Variants in FGD6 observed in about 807,000 individuals in gnomAD.
FGD6 encodes FYVE, RhoGEF and PH domain containing 6.
A neutral mutation model predicts 149.4 loss-of-function variants in FGD6; 90 were observed. The ratio of observed to expected loss-of-function variants is 0.60; its 90% CI spans 0.51 to 0.72. The LOEUF is 0.72. Among genes scored for constraint, FGD6 ranks in the 30% least tolerant of loss-of-function variants. The pLI is 0.00. For synonymous variants in FGD6, 527 were observed against 584.0 expected (o/e 0.90, Z 1.41); for missense variants, 1,437 against 1,684.8 (o/e 0.85, Z 2.57).
At chr12:95,180,645 G>C (rs1449263846) in intron 2 of FGD6, among the ~76,000 whole-genome samples, 1 of 151,998 alleles carries the variant, frequency 6.6e-6, no homozygotes, top group Admixed American at 6.6e-5. Flanking sequence ...TGATCTGCCT[G>C]CCTCAGCCTC....
intron 1 of FGD6, among the ~76,000 whole-genome samples, chr12:95,212,777 C>G (rs75963908): frequency 0.09 from 13,727 of 152,064 alleles, 677 homozygotes; most frequent in Admixed American, 0.12. Context: ...AGTCACGACA[C>G]TTGGGAAGCT....
chr12:95,199,842 T>C (rs745380146), intron 2 of FGD6, among the ~76,000 whole-genome samples: 19 of 152,136 alleles, frequency 1.2e-4, no homozygotes, highest in Non-Finnish European at 2.2e-4. Context: ...TGATCTCAAG[T>C]AATATGCCTG....
At chr12:95,082,481 A>G (rs936617096) in intron 20 of FGD6, among the ~76,000 whole-genome samples, 2 of 151,774 alleles carry the variant, frequency 1.3e-5, no homozygotes, top group African/African-American at 4.8e-5. Flanking sequence ...AATATGGTGA[A>G]ACCCTGTCTC....
Position 95,172,686 on chromosome 12 carries a change from C to T in FGD6, c.2500G>A (p.Glu834Lys). 1.2e-6 allele frequency: 2 copies of T among 1,613,092 alleles called. No homozygotes were observed. The highest frequency in any genetic ancestry group is 1.3e-5 in the African/African-American group (1 of 75,016). The change falls in exon 3 of 21, where the codon GAG becomes AAG. Residue 834 changes from glutamate to lysine, a missense_variant. Glu to Lys is a moderately conservative substitution (Grantham distance 56). Around this residue, in one of 2 missense-constraint regions of FGD6, gnomAD observed 1,055 missense variants for 1,146.0 expected, o/e 0.92. Coordinates refer to ENST00000343958, the MANE Select transcript of FGD6 (RefSeq NM_018351.4). ...DLGLGDLPSD[E>K]EEIINSSDED... The stretch of plus-strand genomic sequence containing the variant: ...TCAGAACTGTTGATGATTTCCTCCT[C>T]ATCAGAGGGAAGGTCACCAAGACCA...
At position 95,209,314 on chromosome 12, in the gene FGD6, G is replaced by A; in HGVS notation, c.1970C>T (p.Thr657Ile). The A allele has an allele frequency of 1.2e-6, 2 of 1,613,736 alleles. No individual in the cohort carries two copies. Among genetic ancestry groups the A allele is most frequent in the Non-Finnish European group, 1.7e-6 (2 of 1,179,896 alleles). Reference sequence around the variant, plus strand: ...CCCACTGGAGAGGTGGCCTGTGGTGGTGTCTCCGAGTTGGCTACTCTTGGA... The same window carrying A: ...CCCACTGGAGAGGTGGCCTGTGGTGATGTCTCCGAGTTGGCTACTCTTGGA... ...FWSKSSQLGD[T>I]TTGHLSSGEQ... Residue 657 changes from threonine (T) to isoleucine (I), a missense_variant, in exon 2 of 21, where the codon ACC becomes ATC. Thr to Ile is a moderately conservative substitution (Grantham distance 89, BLOSUM62 -1). This residue lies in a region of FGD6 where 1,055 missense variants were observed against 1,146.0 expected (regional missense o/e 0.92). Transcript: ENST00000343958.
chr12:95,153,026 T>C (rs1377547522), intron 3 of FGD6, 33 bp from the exon 4 acceptor site: 18 of 1,586,680 alleles, frequency 1.1e-5, no homozygotes, highest in Non-Finnish European at 1.6e-5. Context: ...CATGAACTCA[T>C]AAAAGAATAA....
At chr12:95,156,418 T>C (rs898222527) in intron 3 of FGD6, among the ~76,000 whole-genome samples, 8 of 152,148 alleles carry the variant, frequency 5.3e-5, no homozygotes, top group African/African-American at 1.2e-4. Flanking sequence ...CAGTCTCCCA[T>C]AGCGCTCCCA....
intron 8 of FGD6, among the ~76,000 whole-genome samples, chr12:95,123,728 A>AT (rs1486789464): frequency 3.3e-5 from 5 of 151,556 alleles, no homozygotes; most frequent in African/African-American, 9.7e-5. Flanking sequence ...CACCCAGCTA[A>AT]TTTTTTTGTA....
At position 95,183,468 on chromosome 12, in the gene FGD6, G is replaced by A. The variant is rs146975869; in HGVS notation, c.2442-10724C>T. On this transcript the variant is annotated intron_variant, in intron 2 of 20. Transcript: ENST00000343958. ...TGAGAAACTGCTGTTGATCTCACCCGTCCAGTGTCGAGCATCAGGATTCAG... is the reference window on the plus strand; with the variant it reads ...TGAGAAACTGCTGTTGATCTCACCCATCCAGTGTCGAGCATCAGGATTCAG... 2.3e-4 allele frequency among the ~76,000 whole-genome samples: 35 copies of A among 152,292 alleles called. No homozygotes were observed. The East Asian group carries it at 5.2e-3, about 23-fold the overall frequency.
intron 3 of FGD6, among the ~76,000 whole-genome samples, chr12:95,171,850 A>G (rs759906957): frequency 1.3e-4 from 19 of 151,990 alleles, no homozygotes; most frequent in Non-Finnish European, 2.4e-4. Flanking sequence ...CACATAGACA[A>G]TCTTCATGTA....
intron 2 of FGD6, among the ~76,000 whole-genome samples, chr12:95,185,403 A>T (rs1416881103): frequency 1.3e-5 from 2 of 152,132 alleles, no homozygotes; most frequent in African/African-American, 4.8e-5. Context: ...ACAAACATTT[A>T]TCACAGTTTC....
chr12:95,111,510 T>C (rs1878821742), intron 9 of FGD6, among the ~76,000 whole-genome samples: 1 of 152,172 alleles, frequency 6.6e-6, no homozygotes, highest in Admixed American at 6.5e-5. Context: ...AAGTTCCATG[T>C]ATAATTTGTA....
chr12:95,120,880 T>C (rs1245622521), intron 8 of FGD6, among the ~76,000 whole-genome samples: 4 of 152,170 alleles, frequency 2.6e-5, no homozygotes, highest in Non-Finnish European at 4.4e-5. Context: ...TTGATAGTTA[T>C]CATTCGAAGG....
chr12:95,198,718 G>A (rs1330294211), intron 2 of FGD6, among the ~76,000 whole-genome samples: 1 of 152,210 alleles, frequency 6.6e-6, no homozygotes, highest in Non-Finnish European at 1.5e-5. Context: ...TTACAGGCGT[G>A]AGCCACTGTG....
At chr12:95,102,805 A>T (rs1474787199) in intron 14 of FGD6, among the ~76,000 whole-genome samples, 2 of 152,160 alleles carry the variant, frequency 1.3e-5, no homozygotes, top group African/African-American at 4.8e-5. Flanking sequence ...GTTGTCAGAA[A>T]CACCTAGGTT....
At chr12:95,205,438 T>G (rs2056688057) in intron 2 of FGD6, among the ~76,000 whole-genome samples, 1 of 152,226 alleles carries the variant, frequency 6.6e-6, no homozygotes, top group South Asian at 2.1e-4. Context: ...ATTAGAGCCC[T>G]GACCCAGACT....
At chr12:95,096,872 G>A (rs1878248020) in intron 14 of FGD6, among the ~76,000 whole-genome samples, 1 of 152,148 alleles carries the variant, frequency 6.6e-6, no homozygotes, top group Non-Finnish European at 1.5e-5. Flanking sequence ...ACATGCTCAG[G>A]GTTCCAAGCA....
intron 2 of FGD6, 60 bp from the exon 3 acceptor site, chr12:95,172,804 A>G: frequency 7.3e-7 from 1 of 1,371,122 alleles, no homozygotes; most frequent in Non-Finnish European, 9.8e-7. Flanking sequence ...CTAGCAAAAC[A>G]AAAACCAAAT....
chr12:95,127,230 C>A (rs995999807), intron 8 of FGD6, among the ~76,000 whole-genome samples: 1 of 151,412 alleles, frequency 6.6e-6, no homozygotes, highest in African/African-American at 2.4e-5. Context: ...AGAAGTTTTC[C>A]GTAAGGGTTT....
Sources: gnomAD v4.1 joint callset for allele counts (sites outside exome capture counted in the v4.1 genomes callset) on GRCh38, gnomAD v4.1.1 for gene constraint, gnomAD v4.1.1 regional missense constraint, MANE v1.5 for transcripts, NCBI Gene and HGNC (gene_info 2026-07-23, HGNC 2026-07-21) for gene names.